NCOA7: variants seen among roughly 807,000 people sequenced by gnomAD.
The protein encoded by NCOA7 is 140 kDa estrogen receptor-associated protein.
In NCOA7, 45 loss-of-function variants were observed where a neutral mutation model predicts 104.3. That is an observed-to-expected ratio of 0.43 (90% CI 0.34 to 0.55). The LOEUF is 0.55. NCOA7 is among the 20% of genes least tolerant of loss of function. The pLI, the probability that NCOA7 is intolerant of heterozygous loss-of-function variation, is 0.02. For missense variants in NCOA7, 1,041 were observed against 1,119.7 expected, an observed-to-expected ratio of 0.93 and a Z score of 1.00; for synonymous variants, 398 against 402.3, an observed-to-expected ratio of 0.99 and a Z score of 0.13.
At chr6:125,884,525 G>A (rs1350818620) in intron 7 of NCOA7, among the ~76,000 whole-genome samples, 1 of 152,202 alleles carries the variant, frequency 6.6e-6, no homozygotes, top group Non-Finnish European at 1.5e-5. Flanking sequence ...TATAATTTGA[G>A]CAAGCTTCAG....
rs148461613 is a variant in NCOA7 at position 125,855,143 on chromosome 6, T to C, written c.174T>C (p.Ala58=). Residue 58 remains alanine (A), a synonymous_variant, in exon 3 of 16, where the codon GCT becomes GCC. Transcript: ENST00000392477. The part of the protein sequence containing the change: ...VVLEPDKCNI[A]VEEEYMTDEK... ...TAGAGCCAGACAAGTGCAACATTGC[T>C]GTGGAAGAGGAATATATGACTGATG... is the stretch of plus-strand genomic sequence containing the variant. The C allele has an allele frequency of 1.9e-6, 3 of 1,613,416 alleles. No homozygotes were observed. The highest frequency in any genetic ancestry group is 4.5e-5 in the East Asian group (2 of 44,846).
chr6:125,790,635 G>A (rs1315880789), upstream of NCOA7: 1 of 151,868 alleles, frequency 6.6e-6, no homozygotes, highest in Non-Finnish European at 1.5e-5. Flanking sequence ...GAGCTCCCAG[G>A]CCCCCGCAAC....
intron 2 of NCOA7, among the ~76,000 whole-genome samples, chr6:125,828,490 A>C (rs903896082): frequency 2.0e-5 from 3 of 152,190 alleles, no homozygotes; most frequent in Non-Finnish European, 4.4e-5. Context: ...CTGGGAAGGG[A>C]AGCCAAATAT....
intron 3 of NCOA7, among the ~76,000 whole-genome samples, chr6:125,873,688 A>C (rs137991303): frequency 1.3e-5 from 2 of 152,202 alleles, no homozygotes; most frequent in Non-Finnish European, 2.9e-5. Context: ...GCTAGGTCAT[A>C]TGAGCTATAT....
chr6:125,804,572 A>C (rs1776245057), intron 1 of NCOA7, among the ~76,000 whole-genome samples: 2 of 152,184 alleles, frequency 1.3e-5, no homozygotes, highest in South Asian at 4.1e-4. Flanking sequence ...GACAATGCAG[A>C]TTTGGCCCTT....
At chr6:125,904,754 C>A (rs1004640668) in intron 10 of NCOA7, among the ~76,000 whole-genome samples, 2 of 152,180 alleles carry the variant, frequency 1.3e-5, no homozygotes, top group African/African-American at 4.8e-5. Flanking sequence ...TCCCAGGCAG[C>A]CCCAAAGAGG....
chr6:125,922,635 A>G, intron 12 of NCOA7, 47 bp from the exon 13 acceptor site: 1 of 1,589,302 alleles, frequency 6.3e-7, no homozygotes, highest in Non-Finnish European at 8.6e-7. Context: ...TTCGTGAGCA[A>G]TTTGTGGGTG....
chr6:125,818,262 T>A (rs1311622788), intron 2 of NCOA7, among the ~76,000 whole-genome samples: 1 of 152,184 alleles, frequency 6.6e-6, no homozygotes, highest in East Asian at 1.9e-4. Context: ...AACCTCTTCT[T>A]GTTCCTAAAA....
chr6:125,890,844 C>CT (rs1442082252), intron 10 of NCOA7, 34 bp downstream of exon 10: 1 of 1,470,262 alleles, frequency 6.8e-7, no homozygotes, highest in Non-Finnish European at 9.0e-7. Flanking sequence ...GTCTGTGGGT[C>CT]TGTTAGGTTT....
intron 7 of NCOA7, among the ~76,000 whole-genome samples, chr6:125,884,136 A>G (rs955248857): frequency 1.3e-5 from 2 of 152,150 alleles, no homozygotes; most frequent in Non-Finnish European, 2.9e-5. Flanking sequence ...GGCTTATTTC[A>G]CTTAACATAA....
chr6:125,928,256 T>TTTTTTG lies in NCOA7; in HGVS notation c.2693+20_2693+25dup. The TTTTTTG allele has an allele frequency of 6.3e-7, 1 of 1,599,718 alleles. No individual in the cohort carries two copies. The highest frequency in any genetic ancestry group is 8.5e-7 in the Non-Finnish European group (1 of 1,176,330). Reference sequence around the variant, plus strand: ...GAACTTGGTGGTGGAGGGTAAGGTTTTTTTTGTTTTTGTTTTCTTATTGTT... The same window carrying TTTTTTG: ...GAACTTGGTGGTGGAGGGTAAGGTTTTTTTTGTTTTTGTTTTTGTTTTCTTATTGTT... On this transcript the variant is annotated intron_variant, in intron 15 of 15. Coordinates refer to ENST00000392477, the MANE Select transcript of NCOA7 (RefSeq NM_181782.5).
chr6:125,785,119 C>T (rs1371987755), intron 1 of NCOA7, among the ~76,000 whole-genome samples: 2 of 152,098 alleles, frequency 1.3e-5, no homozygotes, highest in Non-Finnish European at 2.9e-5. Context: ...AGGTGGATCG[C>T]CTGAGGTCAG....
At chr6:125,799,207 A>G (rs1775636659) in intron 1 of NCOA7, among the ~76,000 whole-genome samples, 1 of 152,142 alleles carries the variant, frequency 6.6e-6, no homozygotes, top group East Asian at 1.9e-4. Flanking sequence ...CAGAATCCTC[A>G]GTAATCCCAC....
At chr6:125,833,258 AACAGTTGAGTAGGCAG>A (rs1439764364) in intron 2 of NCOA7, among the ~76,000 whole-genome samples, 2 of 152,102 alleles carry the variant, frequency 1.3e-5, no homozygotes, top group Admixed American at 6.5e-5. Flanking sequence ...TCAAACATAA[AACAGTTGAGTAGGCAG>A]ACAGCTAAAA....
intron 2 of NCOA7, among the ~76,000 whole-genome samples, chr6:125,843,592 C>T (rs74945109): frequency 0.04 from 6,124 of 152,238 alleles, 147 homozygotes; most frequent in Non-Finnish European, 0.051. Context: ...TTCTGAGTTG[C>T]GGTGTTTGTC....
At chr6:125,796,198 A>T (rs1358420131) in intron 1 of NCOA7, among the ~76,000 whole-genome samples, 1 of 152,160 alleles carries the variant, frequency 6.6e-6, no homozygotes, top group Non-Finnish European at 1.5e-5. Context: ...TGTTATAGCT[A>T]ATAGCTATAT....
chr6:125,911,045 A>G (rs1380764352), intron 10 of NCOA7, among the ~76,000 whole-genome samples: 1 of 152,222 alleles, frequency 6.6e-6, no homozygotes, highest in Admixed American at 6.5e-5. Flanking sequence ...AAGGTGGGAC[A>G]CCAGAGGACC....
intron 1 of NCOA7, chr6:125,802,167 G>C (rs1231358441): frequency 6.6e-6 from 1 of 152,104 alleles, no homozygotes; most frequent in Non-Finnish European, 1.5e-5. Context: ...ATGTGGTTTT[G>C]ATCTTTCTGG....
At chr6:125,900,127 C>T (rs1785372256) in intron 10 of NCOA7, 1 of 474,526 alleles carries the variant, frequency 2.1e-6, no homozygotes, top group African/African-American at 2.0e-5. Flanking sequence ...AGCTCCTTCT[C>T]TACCAGTAGG....
Sources: allele counts gnomAD v4.1 joint callset (sites outside exome capture counted in the v4.1 genomes callset), GRCh38; gene constraint gnomAD v4.1.1; transcripts MANE v1.5; gene names NCBI Gene and HGNC (gene_info 2026-07-23, HGNC 2026-07-21).